Variants in NKAIN3 observed in about 807,000 individuals in gnomAD.
NKAIN3 encodes the protein sodium/potassium-transporting ATPase subunit beta-1-interacting protein 3.
In NKAIN3, 25 loss-of-function variants were observed where a neutral mutation model predicts 30.2. That is an observed-to-expected ratio of 0.83 (90% confidence interval 0.60 to 1.16). The LOEUF (loss-of-function observed/expected upper bound fraction) is 1.16. NKAIN3 is among the 50% of genes most tolerant of loss of function. The pLI is 0.00. For missense variants in NKAIN3, 225 were observed against 254.1 expected, an observed-to-expected ratio of 0.89 and a Z score of 0.78; for synonymous variants, 91 against 89.6, an observed-to-expected ratio of 1.02 and a Z score of -0.09.
At chr8:62,785,540 C>T (rs1817488146) in intron 4 of NKAIN3, among the ~76,000 whole-genome samples, 1 of 152,064 alleles carries the variant, frequency 6.6e-6, no homozygotes, top group South Asian at 2.1e-4. Context: ...CGTGGATATA[C>T]TAAAAATCAC....
intron 1 of NKAIN3, among the ~76,000 whole-genome samples, chr8:62,392,573 A>G (rs1011271920): frequency 6.6e-6 from 1 of 152,060 alleles, no homozygotes; most frequent in Non-Finnish European, 1.5e-5. Flanking sequence ...AAAGAAAAGC[A>G]TAAATGTATT....
rs977155979 is a variant in NKAIN3 at position 62,982,654 on chromosome 8, C to T, written c.*17247C>T. ...CCTGACATGAGTTCTCTAGAATTTT[C>T]CCCTTTGATAAATTTTCCTTTACCT... On this transcript the variant is annotated 3_prime_UTR_variant, in exon 7 of 7. Coordinates refer to ENST00000623646, the MANE Select transcript of NKAIN3 (RefSeq NM_001304533.3). 10 of 152,246 alleles carry T rather than the reference C, an allele frequency of 6.6e-5. No individual in the cohort carries two copies. The South Asian group carries it at 1.9e-3, about 28-fold the overall frequency. 9.4% of individuals were successfully genotyped at this position (152,246 alleles called of 1,614,324 possible).
rs975377939 is a variant in NKAIN3, at chr8:62,972,263, T to C, written c.*6856T>C. 6.6e-6 allele frequency among the ~76,000 whole-genome samples: 1 copy of C among 152,166 alleles called. No individual in the cohort carries two copies. Among genetic ancestry groups the C allele is most frequent in the Admixed American group, 6.5e-5 (1 of 15,276 alleles). On this transcript the variant is annotated 3_prime_UTR_variant, in exon 7 of 7. Coordinates refer to ENST00000623646, the MANE Select transcript of NKAIN3 (RefSeq NM_001304533.3). ...GACCTGTTTTTCCCTTCATCTCTTT[T>C]TCTTCAAGAACATAATATCGGCTGA... is the stretch of plus-strand genomic sequence containing the variant.
At chr8:62,503,432 G>A (rs568451176) in intron 1 of NKAIN3, among the ~76,000 whole-genome samples, 9 of 152,246 alleles carry the variant, frequency 5.9e-5, no homozygotes, top group Admixed American at 2.0e-4. Context: ...TATGTTCAGC[G>A]GTGCACATAT....
At chr8:62,719,426 A>G (rs1288121711) in intron 3 of NKAIN3, among the ~76,000 whole-genome samples, 2 of 152,188 alleles carry the variant, frequency 1.3e-5, no homozygotes, top group African/African-American at 2.4e-5. Context: ...TCTACCAAAA[A>G]TGGATGCTTT....
intron 1 of NKAIN3, among the ~76,000 whole-genome samples, chr8:62,371,617 T>C (rs1816910464): frequency 6.6e-6 from 1 of 151,970 alleles, no homozygotes; most frequent in South Asian, 2.1e-4. Context: ...TGGATTTTAA[T>C]TCTGGGTTTC....
intron 4 of NKAIN3, among the ~76,000 whole-genome samples, chr8:62,907,409 T>G (rs577062578): frequency 4.6e-5 from 7 of 152,360 alleles, no homozygotes; most frequent in Admixed American, 4.6e-4. Context: ...ACCCATTTTC[T>G]GAGGAGAAAT....
In NKAIN3 at chr8:62,965,230, A is replaced by G. The variant is rs1823676248; in HGVS notation, c.604-124A>G. On this transcript the variant is annotated intron_variant, in intron 6 of 6. Transcript: ENST00000623646. ...CCAAGTCTTTAACTTTCTTATTGCT[A>G]CAGTCAGACAGCACCAGGTGCACCC... 3 of 875,576 alleles carry G rather than the reference A, an allele frequency of 3.4e-6. No homozygotes were observed. The South Asian group carries it at 1.6e-4, about 46-fold the overall frequency. The allele number at this position is 875,576 out of a possible 1,614,324, so 54.2% of individuals were successfully genotyped here.
chr8:62,827,277 C>T (rs572928902), intron 4 of NKAIN3, among the ~76,000 whole-genome samples: 122 of 152,216 alleles, frequency 8.0e-4, no homozygotes, highest in Admixed American at 6.5e-4. Context: ...TCTTTACACA[C>T]GAGGCAAAGA....
intron 1 of NKAIN3, among the ~76,000 whole-genome samples, chr8:62,477,275 C>A (rs1195067559): frequency 6.6e-6 from 1 of 152,248 alleles, no homozygotes; most frequent in Non-Finnish European, 1.5e-5. Context: ...TGCACACACA[C>A]ACAAACGCAT....
At chr8:62,299,467 C>T (rs76161495) in intron 1 of NKAIN3, among the ~76,000 whole-genome samples, 13 of 152,084 alleles carry the variant, frequency 8.5e-5, no homozygotes, top group Non-Finnish European at 1.3e-4. Flanking sequence ...ACTCCCAGGG[C>T]GACCAAGAGG....
intron 5 of NKAIN3, among the ~76,000 whole-genome samples, chr8:62,932,669 C>A (rs774472500): frequency 6.6e-6 from 1 of 152,120 alleles, no homozygotes; most frequent in Non-Finnish European, 1.5e-5. Flanking sequence ...CTTGAGGGAC[C>A]TTGGATTCCA....
intron 4 of NKAIN3, among the ~76,000 whole-genome samples, chr8:62,749,204 C>A (rs898791713): frequency 6.6e-6 from 1 of 152,140 alleles, no homozygotes; most frequent in Non-Finnish European, 1.5e-5. Flanking sequence ...CTTTACAATG[C>A]AGCAGGACGC....
chr8:62,438,100 C>G (rs548502455), intron 1 of NKAIN3, among the ~76,000 whole-genome samples: 62 of 152,280 alleles, frequency 4.1e-4, no homozygotes, highest in African/African-American at 1.5e-3. Flanking sequence ...ATGCGCAGAG[C>G]GGGGCAGCTG....
intron 4 of NKAIN3, among the ~76,000 whole-genome samples, chr8:62,802,191 C>T (rs1169649145): frequency 6.6e-6 from 1 of 152,168 alleles, no homozygotes; most frequent in Non-Finnish European, 1.5e-5. Context: ...TTGGAAAACA[C>T]AGTGCAGGAT....
At chr8:62,936,412 C>A (rs1822791726) in intron 5 of NKAIN3, among the ~76,000 whole-genome samples, 1 of 152,114 alleles carries the variant, frequency 6.6e-6, no homozygotes, top group Admixed American at 6.6e-5. Context: ...GCCTGGGACT[C>A]CATACCAACT....
chr8:62,259,412 C>T (rs144816641), intron 1 of NKAIN3, among the ~76,000 whole-genome samples: 154 of 152,098 alleles, frequency 1.0e-3, no homozygotes, highest in African/African-American at 3.5e-3. Flanking sequence ...TTCTTAGGTG[C>T]ATCAAAAATT....
chr8:62,975,052 A>G lies in NKAIN3; in HGVS notation c.*9645A>G, dbSNP rs895723775. On this transcript the variant is annotated 3_prime_UTR_variant, in exon 7 of 7. Coordinates refer to ENST00000623646, the MANE Select transcript of NKAIN3 (RefSeq NM_001304533.3). ...GGTAAGCTTTTTAATGTACTGCTGC[A>G]TTTCTTTTGCCAGTGTTTCATTGGG... is the stretch of plus-strand genomic sequence containing the variant. Among the ~76,000 whole-genome samples the G allele has an allele frequency of 7.8e-4, 118 of 152,232 alleles. 1 individual carries two copies. The highest frequency in any genetic ancestry group is 2.8e-3 in the African/African-American group (115 of 41,540).
rs543450722 is a variant in NKAIN3, at chr8:62,926,157, A to T, written c.532+7644A>T. Reference sequence around the variant, plus strand: ...AAATCACACCCTCGTGACACCCTGGATGCACAGCAAAGAAAAAAATGGACT... The same window carrying T: ...AAATCACACCCTCGTGACACCCTGGTTGCACAGCAAAGAAAAAAATGGACT... On this transcript the variant is annotated intron_variant, in intron 5 of 6. Transcript: ENST00000623646. Among the ~76,000 whole-genome samples, 13 of 152,302 alleles carry T rather than the reference A, an allele frequency of 8.5e-5. No homozygotes were observed. In the East Asian group the frequency reaches 2.1e-3, roughly 25 times the overall value.
Sources: allele counts gnomAD v4.1 joint callset (sites outside exome capture counted in the v4.1 genomes callset), GRCh38; gene constraint gnomAD v4.1.1; transcripts MANE v1.5; gene names NCBI Gene and HGNC (gene_info 2026-07-23, HGNC 2026-07-21).